Variants in PTPN22 observed in about 807,000 individuals in gnomAD.
The protein encoded by PTPN22 is tyrosine-protein phosphatase non-receptor type 22.
PTPN22 carries 85 observed loss-of-function variants against 103.3 expected under a neutral mutation model. The observed-to-expected ratio is 0.82, with a 90% CI of 0.69 to 0.99. PTPN22 has a LOEUF of 0.99. Among genes scored for constraint, PTPN22 ranks in the 50% least tolerant of loss-of-function variants. PTPN22 has a pLI of 0.00. For synonymous variants in PTPN22, 323 were observed against 310.2 expected (o/e 1.04, Z -0.43); for missense variants, 865 against 936.9 (o/e 0.92, Z 1.00).
chr1:113,819,279 A>G (rs1224580427), intron 20 of PTPN22: 1 of 173,304 alleles, frequency 5.8e-6, no homozygotes, highest in Non-Finnish European at 1.2e-5. Context: ...TTAGATATGA[A>G]CCAGAATATC....
intron 1 of PTPN22, 69 bp from the exon 2 acceptor site, chr1:113,859,529 T>G: frequency 2.4e-6 from 3 of 1,270,620 alleles, no homozygotes; most frequent in Non-Finnish European, 3.4e-6. Context: ...TCTAAAGAGC[T>G]TTCCTTTTCC....
At chr1:113,859,026 G>C (rs753502638) in exon 3 of PTPN22, 1 of 1,613,862 alleles carries the variant, frequency 6.2e-7, no homozygotes, top group East Asian at 2.2e-5. Flanking sequence ...CATTGATGTA[G>C]CTGGAATCCT....
Position 113,833,125 on chromosome 1 carries a change from C to T in PTPN22, c.2039G>A (p.Arg680Gln), listed in dbSNP as rs74111772. ...GAAATTTTTACCTGATTTAGGACTT[C>T]GGAGTTTTACACTCTAAAAGAAAAA... The change falls in exon 16 of 21, where the codon CGA becomes CAA. Residue 680 changes from arginine to glutamine, a missense_variant. Transcript: ENST00000359785. 2.1e-4 allele frequency: 328 copies of T among 1,563,392 alleles called. No individual in the cohort carries two copies. The African/African-American group carries it at 2.8e-3, about 14-fold the overall frequency.
At position 113,856,230 on chromosome 1, in the gene PTPN22, C is replaced by T; in HGVS notation, c.540+152G>A. On this transcript the variant is annotated intron_variant, in intron 7 of 20. Coordinates refer to ENST00000359785, the Ensembl canonical transcript of PTPN22. ...ACAGGTTTTTGCCATGTCGGCCAGG[C>T]TCAAAGTTCTCTTGAATATGAAGAC... 5.9e-6 allele frequency: 7 copies of T among 1,177,960 alleles called. No homozygotes were observed. The South Asian group carries it at 1.3e-4, about 22-fold the overall frequency. The allele number at this position is 1,177,960 out of a possible 1,614,324, so 73.0% of individuals were successfully genotyped here.
At chr1:113,859,496 G>C in intron 1 of PTPN22, 36 bp from the exon 2 acceptor site, 1 of 1,508,480 alleles carries the variant, frequency 6.6e-7, no homozygotes, top group Non-Finnish European at 9.2e-7. Flanking sequence ...AATCTTCCTA[G>C]AGAAATGAGG....
At chr1:113,842,450 C>T (rs554992092) in intron 11 of PTPN22, among the ~76,000 whole-genome samples, 14 of 151,906 alleles carry the variant, frequency 9.2e-5, no homozygotes, top group South Asian at 6.2e-4. Context: ...CCGAGGCCGG[C>T]GGATCACGAA....
At chr1:113,838,289 G>A (rs1663204320) in exon 13 of PTPN22, 1 of 1,613,664 alleles carries the variant, frequency 6.2e-7, no homozygotes, top group African/African-American at 1.3e-5. Context: ...GATTTAGCAG[G>A]GTGCAAAACT....
intron 11 of PTPN22, among the ~76,000 whole-genome samples, chr1:113,841,402 G>A (rs1420310348): frequency 6.6e-6 from 1 of 152,032 alleles, no homozygotes; most frequent in Non-Finnish European, 1.5e-5. Context: ...GACACCAAAG[G>A]CACAAACAAC....
Sources: allele counts gnomAD v4.1 joint callset (sites outside exome capture counted in the v4.1 genomes callset), GRCh38; gene constraint gnomAD v4.1.1; transcripts MANE v1.5; gene names NCBI Gene and HGNC (gene_info 2026-07-23, HGNC 2026-07-21).